The following TNRC6B variants were observed in gnomAD, a reference collection of about 807,000 sequenced individuals.
TNRC6B encodes the protein trinucleotide repeat-containing gene 6B protein.
TNRC6B carries 52 observed loss-of-function variants against 203.6 expected under a neutral mutation model. That is an observed-to-expected ratio of 0.26 (90% CI 0.20 to 0.32). TNRC6B has a LOEUF of 0.32. Ranked by LOEUF, TNRC6B falls within the 10% of genes least tolerant of loss-of-function variation. TNRC6B has a pLI of 1.00. For synonymous variants in TNRC6B, 838 were observed against 845.7 expected (o/e 0.99, Z 0.16); for missense variants, 1,923 against 2,286.2 (o/e 0.84, Z 3.24).
intron 3 of TNRC6B, among the ~76,000 whole-genome samples, chr22:40,154,894 T>TATAC (rs1236479777): frequency 1.6e-4 from 6 of 38,178 alleles, no homozygotes; most frequent in African/African-American, 1.9e-4. Flanking sequence ...TATATATATA[T>TATAC]ACATATATAT....
intron 1 of TNRC6B, among the ~76,000 whole-genome samples, chr22:40,202,982 T>G (rs1344373595): frequency 6.6e-6 from 1 of 152,154 alleles, no homozygotes; most frequent in Non-Finnish European, 1.5e-5. Flanking sequence ...GAGGAGGACT[T>G]CAGGCCATTG....
At position 40,143,150 on chromosome 22, in the gene TNRC6B, C is replaced by G. The variant is rs1314576395; in HGVS notation, c.46-12965C>G. On this transcript the variant is annotated intron_variant, in intron 3 of 23. Transcript: ENST00000301923. ...ACACCATTAAGAATGTGGAAAAAGG[C>G]TGGGCACAGTGGCTCATGCCTATAA... 2.6e-5 allele frequency among the ~76,000 whole-genome samples: 4 copies of G among 152,308 alleles called. No homozygotes were observed. The East Asian group carries it at 7.7e-4, about 29-fold the overall frequency.
At chr22:40,138,473 C>T (rs2068619063) in intron 3 of TNRC6B, among the ~76,000 whole-genome samples, 1 of 152,108 alleles carries the variant, frequency 6.6e-6, no homozygotes, top group South Asian at 2.1e-4. Flanking sequence ...GCTATGTTGG[C>T]CAGACTGGTC....
intron 12 of TNRC6B, among the ~76,000 whole-genome samples, chr22:40,289,581 T>C (rs2070841249): frequency 6.6e-6 from 1 of 152,166 alleles, no homozygotes; most frequent in Non-Finnish European, 1.5e-5. Context: ...GGACACCTAC[T>C]ACACTGGTTC....
chr22:40,269,927 A>C (rs1249278739), intron 5 of TNRC6B, among the ~76,000 whole-genome samples, 195 bp from the exon 6 acceptor site: 1 of 150,946 alleles, frequency 6.6e-6, no homozygotes, highest in East Asian at 2.0e-4. Flanking sequence ...CAGTTGAGTT[A>C]CTGGGTGAAA....
chr22:40,317,626 C>T (rs1405489049), intron 21 of TNRC6B, among the ~76,000 whole-genome samples: 3 of 152,202 alleles, frequency 2.0e-5, no homozygotes, highest in Admixed American at 6.5e-5. Flanking sequence ...CGTCTATTAT[C>T]CTCTTCACGT....
intron 2 of TNRC6B, among the ~76,000 whole-genome samples, chr22:40,250,877 C>T (rs1194807585): frequency 6.7e-6 from 1 of 150,208 alleles, no homozygotes; most frequent in East Asian, 1.9e-4. Context: ...CTAGTCATAG[C>T]ATTCAAAATG....
intron 1 of TNRC6B, among the ~76,000 whole-genome samples, chr22:40,208,141 CAA>C (rs1171496202): frequency 2.0e-4 from 26 of 130,522 alleles, no homozygotes; most frequent in African/African-American, 5.5e-4. Context: ...AACAAAAAAA[CAA>C]GAAAAAAACA....
chr22:40,250,180 G>T (rs566120092), intron 2 of TNRC6B, among the ~76,000 whole-genome samples: 1 of 152,350 alleles, frequency 6.6e-6, no homozygotes, highest in East Asian at 1.9e-4. Context: ...GGGAAAATGG[G>T]TCAGAATCAC....
Position 40,325,400 on chromosome 22 carries a change from C to T in TNRC6B, c.*2159C>T, listed in dbSNP as rs963903646. 1 of 152,614 alleles carries T rather than the reference C, an allele frequency of 6.6e-6. No individual in the cohort carries two copies. The highest frequency in any genetic ancestry group is 2.4e-5 in the African/African-American group (1 of 41,450). The allele number at this position is 152,614 out of a possible 1,614,324, so 9.5% of individuals were successfully genotyped here. On this transcript the variant is annotated 3_prime_UTR_variant, in exon 23 of 23. Transcript: ENST00000454349. ...AATTCTGTAGCCCTTCTGGCTTACC[C>T]TGTTGATTATAAACCTAGCCTCAAA...
At chr22:40,270,010 A>T in intron 5 of TNRC6B, 112 bp from the exon 6 acceptor site, 1 of 1,065,524 alleles carries the variant, frequency 9.4e-7, no homozygotes, top group Non-Finnish European at 1.3e-6. Flanking sequence ...GAATCTATTT[A>T]CATTTCTACC....
intron 1 of TNRC6B, among the ~76,000 whole-genome samples, chr22:40,185,776 G>T (rs1375707746): frequency 6.6e-6 from 1 of 152,128 alleles, no homozygotes; most frequent in Non-Finnish European, 1.5e-5. Flanking sequence ...GACTTGGTGG[G>T]GGGGCACTGA....
chr22:40,093,145 A>G (rs2068162324), intron 1 of TNRC6B, among the ~76,000 whole-genome samples: 1 of 152,268 alleles, frequency 6.6e-6, no homozygotes, highest in Non-Finnish European at 1.5e-5. Context: ...TGAAAAAATA[A>G]CCATTTCAGA....
intron 5 of TNRC6B, among the ~76,000 whole-genome samples, chr22:40,268,899 C>A (rs1389255245): frequency 1.3e-5 from 2 of 150,944 alleles, no homozygotes; most frequent in African/African-American, 4.9e-5. Context: ...GGCGACAGAG[C>A]AAGACTCCGT....
intron 1 of TNRC6B, among the ~76,000 whole-genome samples, chr22:40,088,655 A>G (rs1379376553): frequency 6.9e-6 from 1 of 145,866 alleles, no homozygotes; most frequent in African/African-American, 2.5e-5. Flanking sequence ...GGGCTTCACC[A>G]TGTTGGTCAG....
At chr22:40,243,276 A>G (rs946700284) in intron 1 of TNRC6B, among the ~76,000 whole-genome samples, 5 of 152,214 alleles carry the variant, frequency 3.3e-5, no homozygotes, top group African/African-American at 1.2e-4. Context: ...ATTGTTATAA[A>G]TTTTTGATTT....
chr22:40,045,882 T>C (rs2067683726), intron 1 of TNRC6B, among the ~76,000 whole-genome samples: 1 of 152,256 alleles, frequency 6.6e-6, no homozygotes, highest in Non-Finnish European at 1.5e-5. Flanking sequence ...CCTGGGACTT[T>C]AAGTTCGTGC....
chr22:40,087,880 C>G (rs1276760929), intron 1 of TNRC6B, among the ~76,000 whole-genome samples: 1 of 152,140 alleles, frequency 6.6e-6, no homozygotes, highest in Non-Finnish European at 1.5e-5. Flanking sequence ...TACAGATGTA[C>G]AGCGTTTGGT....
chr22:40,321,054 T>G (rs2071328083), intron 21 of TNRC6B, 36 bp from the exon 22 acceptor site: 1 of 1,609,794 alleles, frequency 6.2e-7, no homozygotes, highest in African/African-American at 1.3e-5. Flanking sequence ...CCACCCCACC[T>G]CCAGTCTTTA....
Sources: allele counts gnomAD v4.1 joint callset (sites outside exome capture counted in the v4.1 genomes callset), GRCh38; gene constraint gnomAD v4.1.1; transcripts MANE v1.5; gene names NCBI Gene and HGNC (gene_info 2026-07-23, HGNC 2026-07-21).